The following IGF2BP2 variants were observed in gnomAD, a reference collection of about 807,000 sequenced individuals.
IGF2BP2 encodes the protein insulin-like growth factor 2 mRNA-binding protein 2.
IGF2BP2 carries 17 observed loss-of-function variants against 75.8 expected under a neutral mutation model. The observed-to-expected ratio is 0.22, with a 90% CI of 0.15 to 0.34. The LOEUF is 0.34. Ranked by LOEUF, IGF2BP2 falls within the 10% of genes least tolerant of loss-of-function variation. The pLI, the probability that IGF2BP2 is intolerant of heterozygous loss-of-function variation, is 1.00. For synonymous variants in IGF2BP2, 288 were observed against 295.6 expected, an observed-to-expected ratio of 0.97 and a Z score of 0.26; for missense variants, 516 against 772.4, an observed-to-expected ratio of 0.67 and a Z score of 3.93.
chr3:185,715,494 T>C (rs996937325), intron 2 of IGF2BP2, among the ~76,000 whole-genome samples: 4 of 152,152 alleles, frequency 2.6e-5, no homozygotes, highest in Non-Finnish European at 5.9e-5. Flanking sequence ...TCAGAAGATA[T>C]TTTCTTCTTA....
chr3:185,729,306 A>G (rs60293580), intron 2 of IGF2BP2, among the ~76,000 whole-genome samples: 25 of 152,314 alleles, frequency 1.6e-4, no homozygotes, highest in Middle Eastern at 3.4e-3. Flanking sequence ...TTGACAGAAC[A>G]GACAGACAGT....
At chr3:185,768,966 G>A (rs1011011787) in intron 2 of IGF2BP2, among the ~76,000 whole-genome samples, 1 of 152,240 alleles carries the variant, frequency 6.6e-6, no homozygotes, top group Non-Finnish European at 1.5e-5. Flanking sequence ...GGTGGAGATT[G>A]CAGTGAGCTG....
At chr3:185,768,711 TGATA>T (rs1161961662) in intron 2 of IGF2BP2, among the ~76,000 whole-genome samples, 17 of 152,196 alleles carry the variant, frequency 1.1e-4, no homozygotes, top group Admixed American at 1.1e-3. Context: ...TTGAAGCTTC[TGATA>T]GATCAATAAG....
chr3:185,649,660 A>G (rs1560222954), intron 13 of IGF2BP2, 126 bp from the exon 14 acceptor site: 1 of 1,305,858 alleles, frequency 7.7e-7, no homozygotes, highest in Non-Finnish European at 1.0e-6. Context: ...CCTGGGACAC[A>G]CAGGAAGCTG....
At chr3:185,716,851 G>A (rs147682180) in intron 2 of IGF2BP2, 26 of 505,186 alleles carry the variant, frequency 5.1e-5, no homozygotes, top group Admixed American at 2.2e-4. Flanking sequence ...TCAGAGCTCC[G>A]ACAGCCCTTA....
At chr3:185,659,459 C>T (rs752792695) in intron 10 of IGF2BP2, among the ~76,000 whole-genome samples, 1 of 152,114 alleles carries the variant, frequency 6.6e-6, no homozygotes, top group Non-Finnish European at 1.5e-5. Context: ...CTGCAACCTC[C>T]GCCCCCGCAG....
intron 7 of IGF2BP2, among the ~76,000 whole-genome samples, chr3:185,680,356 G>A (rs576719501): frequency 3.9e-5 from 6 of 152,192 alleles, no homozygotes; most frequent in East Asian, 3.9e-4. Context: ...TGGCTTCATC[G>A]GAGAATGCTA....
intron 2 of IGF2BP2, among the ~76,000 whole-genome samples, chr3:185,706,270 C>T (rs1724006230): frequency 6.6e-6 from 1 of 152,100 alleles, no homozygotes; most frequent in African/African-American, 2.4e-5. Context: ...GGTGTGGTAG[C>T]ACATGCCTGT....
chr3:185,724,223 T>G (rs1469621986), intron 2 of IGF2BP2, among the ~76,000 whole-genome samples: 1 of 152,210 alleles, frequency 6.6e-6, no homozygotes, highest in Non-Finnish European at 1.5e-5. Flanking sequence ...GATCATTCCC[T>G]GGGCTCTTCT....
chr3:185,743,171 AT>A (rs201870060), intron 2 of IGF2BP2, among the ~76,000 whole-genome samples: 43,793 of 150,158 alleles, frequency 0.29, 7,167 homozygotes, highest in African/African-American at 0.45. Flanking sequence ...TAATAATTAC[AT>A]TTTTTTTTTT....
chr3:185,691,740 G>A (rs1056290526), intron 5 of IGF2BP2, among the ~76,000 whole-genome samples: 2 of 152,066 alleles, frequency 1.3e-5, no homozygotes, highest in African/African-American at 2.4e-5. Flanking sequence ...ACATCCGGCT[G>A]TTGTTGTTTT....
Position 185,645,375 on chromosome 3 carries a change from A to C in IGF2BP2, c.*156T>G. ...CCCCTCCTCGGCCCCTGGGGTTCTC[A>C]GGGCCTCGGCAGAGTCCCTGGCCGC... On this transcript the variant is annotated 3_prime_UTR_variant, in exon 16 of 16. Transcript: ENST00000382199. The surrounding 1 kb of genome is among the most constrained non-coding windows in gnomAD (Gnocchi z 4.9). The C allele has an allele frequency of 1.6e-6, 1 of 610,018 alleles. No homozygotes were observed. Among genetic ancestry groups the C allele is most frequent in the Non-Finnish European group, 2.9e-6 (1 of 341,186 alleles). 37.8% of individuals were successfully genotyped at this position (610,018 alleles called of 1,614,324 possible). A position where few individuals can be genotyped will look rare whatever the true frequency, so the allele number is the denominator to read the frequency against.
chr3:185,812,813 G>A (rs1332131006), intron 2 of IGF2BP2, among the ~76,000 whole-genome samples: 1 of 152,084 alleles, frequency 6.6e-6, no homozygotes, highest in Non-Finnish European at 1.5e-5. Flanking sequence ...GCATCTCCTT[G>A]GAATCCTAAG....
chr3:185,811,384 A>G (rs1277644288), intron 2 of IGF2BP2, among the ~76,000 whole-genome samples: 3 of 152,194 alleles, frequency 2.0e-5, no homozygotes, highest in African/African-American at 4.8e-5. Flanking sequence ...TGTCTTCAAC[A>G]ATGTTTTATA....
intron 7 of IGF2BP2, among the ~76,000 whole-genome samples, chr3:185,683,193 G>T (rs906145135): frequency 2.0e-5 from 3 of 152,124 alleles, no homozygotes; most frequent in African/African-American, 4.8e-5. Context: ...AGTCACAAAA[G>T]AATAATAGTA....
intron 2 of IGF2BP2, among the ~76,000 whole-genome samples, chr3:185,699,864 T>C (rs964675740): frequency 5.3e-5 from 8 of 152,192 alleles, no homozygotes; most frequent in African/African-American, 1.7e-4. Context: ...TCTGAAAGCT[T>C]TGAATGACTT....
chr3:185,745,743 C>G (rs552993065), intron 2 of IGF2BP2, among the ~76,000 whole-genome samples: 4 of 152,336 alleles, frequency 2.6e-5, no homozygotes, highest in Admixed American at 2.6e-4. Flanking sequence ...CAGTAGCTGG[C>G]CAAACAAACA....
intron 2 of IGF2BP2, among the ~76,000 whole-genome samples, chr3:185,811,218 C>T (rs921551734): frequency 6.6e-6 from 1 of 151,966 alleles, no homozygotes; most frequent in African/African-American, 2.4e-5. Flanking sequence ...TGAAAAATGG[C>T]TACTGCAACT....
intron 12 of IGF2BP2, among the ~76,000 whole-genome samples, chr3:185,656,760 C>T (rs990320548): frequency 6.6e-6 from 1 of 152,234 alleles, no homozygotes; most frequent in Non-Finnish European, 1.5e-5. Flanking sequence ...CGTCTGCATT[C>T]GCAGCCTTTC....
Sources: gnomAD v4.1 joint callset for allele counts (sites outside exome capture counted in the v4.1 genomes callset) on GRCh38, gnomAD v4.1.1 for gene constraint, Gnocchi (gnomAD v3.1) non-coding constraint, MANE v1.5 for transcripts, NCBI Gene and HGNC (gene_info 2026-07-23, HGNC 2026-07-21) for gene names.